Variants in PRKG1 observed in about 807,000 individuals in gnomAD.
PRKG1 encodes the protein protein kinase cGMP-dependent 1.
Under a neutral mutation model 88.1 loss-of-function variants are expected in PRKG1, and 35 were observed. That is an observed-to-expected ratio of 0.40 (90% confidence interval 0.30 to 0.53). The LOEUF (loss-of-function observed/expected upper bound fraction) is 0.53, where lower values mean the gene tolerates loss of function less well. Among genes scored for constraint, PRKG1 ranks in the 20% least tolerant of loss-of-function variants. The pLI, the probability that PRKG1 is intolerant of heterozygous loss-of-function variation, is 0.59. For missense variants in PRKG1, 540 were observed against 839.8 expected (o/e 0.64, Z 4.41); for synonymous variants, 303 against 292.5 (o/e 1.04, Z -0.37).
chr10:51,084,328 A>T (rs1378445225), intron 1 of PRKG1, among the ~76,000 whole-genome samples: 1 of 152,232 alleles, frequency 6.6e-6, no homozygotes, highest in Non-Finnish European at 1.5e-5. Context: ...GATAGGCAGA[A>T]GTTGGTGGTA....
At chr10:52,227,579 G>A (rs190663492) in intron 9 of PRKG1, among the ~76,000 whole-genome samples, 2 of 152,188 alleles carry the variant, frequency 1.3e-5, no homozygotes, top group East Asian at 3.9e-4. Context: ...TTATATCAGG[G>A]ACTTGAGGAT....
intron 10 of PRKG1, among the ~76,000 whole-genome samples, chr10:52,257,992 C>T (rs1004182153): frequency 7.2e-6 from 1 of 139,192 alleles, no homozygotes; most frequent in African/African-American, 2.5e-5. Context: ...TACTTCATCT[C>T]ATTATTGTAG....
At chr10:51,187,545 T>C (rs544833539) in intron 2 of PRKG1, among the ~76,000 whole-genome samples, 58 of 152,022 alleles carry the variant, frequency 3.8e-4, no homozygotes, top group Non-Finnish European at 6.3e-4. Context: ...ATTCCTGAAT[T>C]TGTTTCTGAG....
chr10:51,061,077 G>GTGTGTGTGTGTGTA (rs1171011519), intron 1 of PRKG1, among the ~76,000 whole-genome samples: 1 of 151,994 alleles, frequency 6.6e-6, no homozygotes, highest in Non-Finnish European at 1.5e-5. Flanking sequence ...GTGTGTGTGT[G>GTGTGTGTGTGTGTA]TGTGTGTCTG....
intron 3 of PRKG1, among the ~76,000 whole-genome samples, chr10:51,591,471 A>G (rs1461514592): frequency 6.6e-6 from 1 of 152,224 alleles, no homozygotes; most frequent in African/African-American, 2.4e-5. Flanking sequence ...TTCCTCATAG[A>G]TATCTATTCA....
intron 7 of PRKG1, among the ~76,000 whole-genome samples, chr10:52,103,707 C>A (rs1847348390): frequency 1.3e-5 from 2 of 151,740 alleles, no homozygotes; most frequent in African/African-American, 4.8e-5. Context: ...CACTCCAACC[C>A]CTGTGTTGTT....
In PRKG1 at chr10:52,138,698, T is replaced by C. The variant is rs118031128; in HGVS notation, c.1001+4793T>C. On this transcript the variant is annotated intron_variant, in intron 8 of 17. Transcript: ENST00000373980. ...AGACCAAGAACTAGCCCAGAGTAAATGCAGTGTGATAGAGCATAAAAATTA... is the reference window on the plus strand; with the variant it reads ...AGACCAAGAACTAGCCCAGAGTAAACGCAGTGTGATAGAGCATAAAAATTA... Among the ~76,000 whole-genome samples the C allele has an allele frequency of 6.2e-4, 95 of 152,182 alleles. 1 individual carries two copies. The East Asian group carries it at 0.016, about 26-fold the overall frequency.
intron 9 of PRKG1, among the ~76,000 whole-genome samples, chr10:52,226,028 T>A (rs1460277974): frequency 9.8e-6 from 1 of 102,366 alleles, no homozygotes; most frequent in Non-Finnish European, 1.7e-5. Flanking sequence ...GAGGGTTGAT[T>A]TTTTTTTTTT....
In PRKG1 at chr10:50,991,022, G is replaced by C; in HGVS notation, c.-357G>C. On this transcript the variant is annotated 5_prime_UTR_variant, in exon 1 of 18. Coordinates refer to the PRKG1 transcript ENST00000401604. The surrounding 1 kb of genome is among the most constrained non-coding windows in gnomAD (Gnocchi z 4.5). ...GCGCGTATTCTCACGGAGTGACTAG[G>C]AGAGGGGGACGAGGGAGGGGGTCTC... is the stretch of plus-strand genomic sequence containing the variant. The C allele has an allele frequency of 4.5e-6, 1 of 223,512 alleles. No homozygotes were observed. The highest frequency in any genetic ancestry group is 8.8e-6 in the Non-Finnish European group (1 of 114,062). 13.8% of individuals were successfully genotyped at this position (223,512 alleles called of 1,614,324 possible).
intron 7 of PRKG1, among the ~76,000 whole-genome samples, chr10:52,084,119 C>G (rs552695331): frequency 6.6e-6 from 1 of 152,012 alleles, no homozygotes; most frequent in East Asian, 1.9e-4. Context: ...CATAAGATAG[C>G]CCAACTTTAC....
intron 5 of PRKG1, among the ~76,000 whole-genome samples, chr10:51,998,460 G>T (rs1344494465): frequency 6.6e-6 from 1 of 152,022 alleles, no homozygotes; most frequent in East Asian, 1.9e-4. Context: ...TCTTGGAGTA[G>T]TCATTACTTT....
chr10:51,926,245 G>C (rs1842572211), intron 5 of PRKG1, among the ~76,000 whole-genome samples: 1 of 152,138 alleles, frequency 6.6e-6, no homozygotes, highest in South Asian at 2.1e-4. Flanking sequence ...TGAACGCTAG[G>C]CCAGATAACC....
At chr10:51,822,685 C>T (rs961164468) in intron 4 of PRKG1, among the ~76,000 whole-genome samples, 1 of 152,094 alleles carries the variant, frequency 6.6e-6, no homozygotes, top group African/African-American at 2.4e-5. Flanking sequence ...GATGAGAGTG[C>T]CTAGCTCTGT....
chr10:51,702,373 A>G (rs944708956), intron 3 of PRKG1, among the ~76,000 whole-genome samples: 1 of 152,200 alleles, frequency 6.6e-6, no homozygotes, highest in Non-Finnish European at 1.5e-5. Context: ...TGTTAACTCA[A>G]TGTCCCCAAA....
At chr10:51,855,813 C>T (rs998876058) in intron 4 of PRKG1, among the ~76,000 whole-genome samples, 2 of 152,128 alleles carry the variant, frequency 1.3e-5, no homozygotes, top group Non-Finnish European at 2.9e-5. Flanking sequence ...GGAAACAAAA[C>T]AAAACAGAGA....
chr10:51,368,737 A>C (rs903454803), intron 2 of PRKG1, among the ~76,000 whole-genome samples: 2 of 152,116 alleles, frequency 1.3e-5, no homozygotes, highest in African/African-American at 4.8e-5. Context: ...GGAAGAAAAC[A>C]ATATGTATCA....
chr10:51,451,342 G>T (rs1839434271), intron 2 of PRKG1, among the ~76,000 whole-genome samples: 2 of 151,486 alleles, frequency 1.3e-5, no homozygotes, highest in East Asian at 1.9e-4. Context: ...TGTTACTGTT[G>T]TTTGTTACCA....
chr10:51,771,101 C>A (rs1838292588), intron 3 of PRKG1, among the ~76,000 whole-genome samples: 1 of 152,116 alleles, frequency 6.6e-6, no homozygotes, highest in South Asian at 2.1e-4. Flanking sequence ...ATTTTTGTAT[C>A]TGTTAGTTTG....
At chr10:52,156,784 T>C (rs1420513345) in intron 8 of PRKG1, among the ~76,000 whole-genome samples, 1 of 151,800 alleles carries the variant, frequency 6.6e-6, no homozygotes, top group East Asian at 1.9e-4. Flanking sequence ...TCTGAAACCT[T>C]GGGCTTAGCT....
Sources: allele counts gnomAD v4.1 joint callset (sites outside exome capture counted in the v4.1 genomes callset), GRCh38; gene constraint gnomAD v4.1.1; non-coding constraint Gnocchi (gnomAD v3.1); transcripts MANE v1.5; gene names NCBI Gene and HGNC (gene_info 2026-07-23, HGNC 2026-07-21).